HACE1: variants seen among roughly 807,000 people sequenced by gnomAD.
The protein encoded by HACE1 is HECT domain and ankyrin repeat containing E3 ubiquitin protein ligase 1.
In HACE1, 73 loss-of-function variants were observed where a neutral mutation model predicts 118.4. That is an observed-to-expected ratio of 0.62 (90% CI 0.51 to 0.75). HACE1 has a LOEUF of 0.75. HACE1 is among the 30% of genes least tolerant of loss of function. The pLI is 0.00. For synonymous variants in HACE1, 368 were observed against 374.8 expected (o/e 0.98, Z 0.21); for missense variants, 749 against 1,102.2 (o/e 0.68, Z 4.54).
intron 19 of HACE1, among the ~76,000 whole-genome samples, chr6:104,755,457 C>T (rs1170114167): frequency 1.3e-5 from 2 of 152,100 alleles, no homozygotes; most frequent in African/African-American, 4.8e-5. Context: ...AACTTCCCAC[C>T]GAAATTCAAC....
At chr6:104,758,809 C>T (rs1170843197) in intron 19 of HACE1, among the ~76,000 whole-genome samples, 1 of 151,400 alleles carries the variant, frequency 6.6e-6, no homozygotes, top group Non-Finnish European at 1.5e-5. Flanking sequence ...ACCCATCTCA[C>T]GTGCAAAGAC....
chr6:104,858,981 A>AAT (rs1777024547), intron 1 of HACE1, among the ~76,000 whole-genome samples: 1 of 152,210 alleles, frequency 6.6e-6, no homozygotes, highest in African/African-American at 2.4e-5. Flanking sequence ...TAGTCTGATG[A>AAT]ATAAATGAAG....
chr6:104,764,288 G>A (rs1037039014), intron 19 of HACE1, among the ~76,000 whole-genome samples: 9 of 152,146 alleles, frequency 5.9e-5, no homozygotes, highest in African/African-American at 1.9e-4. Flanking sequence ...ATATTGGCCA[G>A]ACTGGTCTGA....
intron 10 of HACE1, 79 bp from the exon 11 acceptor site, chr6:104,791,733 C>T: frequency 3.3e-6 from 3 of 901,068 alleles, no homozygotes; most frequent in Non-Finnish European, 5.3e-6. Flanking sequence ...CATTTTCATC[C>T]CACTGACCAT....
intron 7 of HACE1, among the ~76,000 whole-genome samples, chr6:104,810,704 T>C (rs1285096656): frequency 6.6e-6 from 1 of 152,068 alleles, no homozygotes; most frequent in Non-Finnish European, 1.5e-5. Flanking sequence ...CAGTGAGCGT[T>C]AACTAAACAT....
At chr6:104,748,226 G>A (rs1187438658) in intron 20 of HACE1, among the ~76,000 whole-genome samples, 1 of 147,754 alleles carries the variant, frequency 6.8e-6, no homozygotes, top group Non-Finnish European at 1.5e-5. Flanking sequence ...AATTCATAAA[G>A]AGTCCTACAA....
chr6:104,764,042 A>G (rs536895642), intron 19 of HACE1, among the ~76,000 whole-genome samples: 1 of 152,202 alleles, frequency 6.6e-6, no homozygotes, highest in Non-Finnish European at 1.5e-5. Flanking sequence ...GCAAGATTTT[A>G]TCTCAAACAA....
intron 14 of HACE1, among the ~76,000 whole-genome samples, chr6:104,779,967 C>T (rs1781558651): frequency 6.6e-6 from 1 of 151,976 alleles, no homozygotes; most frequent in African/African-American, 2.4e-5. Context: ...ATCCTCACAA[C>T]ACTATGAGAA....
In HACE1 at chr6:104,772,088, T is replaced by C. The variant is rs759644081; in HGVS notation, c.1865-14A>G. 2.2e-6 allele frequency: 3 copies of C among 1,352,214 alleles called. No individual in the cohort carries two copies. Among genetic ancestry groups the C allele is most frequent in the Admixed American group, 3.4e-5 (2 of 59,368 alleles). 83.8% of individuals were successfully genotyped at this position (1,352,214 alleles called of 1,614,324 possible). On this transcript the variant is annotated splice_polypyrimidine_tract_variant and intron_variant, in intron 17 of 23. Transcript: ENST00000262903. Reference sequence around the variant, plus strand: ...GAAAAGTTGTTCCTATTGAAATAAATACAAAATAATATATTATTAAGAATC... The same window carrying C: ...GAAAAGTTGTTCCTATTGAAATAAACACAAAATAATATATTATTAAGAATC...
At chr6:104,743,063 C>T (rs542461271) in intron 22 of HACE1, among the ~76,000 whole-genome samples, 2 of 149,786 alleles carry the variant, frequency 1.3e-5, no homozygotes, top group African/African-American at 4.9e-5. Context: ...ATCGCAAGAA[C>T]AAAAAACCAA....
intron 6 of HACE1, among the ~76,000 whole-genome samples, chr6:104,827,405 A>C (rs1773447055): frequency 1.3e-5 from 2 of 152,136 alleles, no homozygotes; most frequent in Non-Finnish European, 2.9e-5. Context: ...CCAACTCACT[A>C]ATCAGTGACT....
intron 6 of HACE1, among the ~76,000 whole-genome samples, chr6:104,816,382 T>TGCTCCA (rs1446606179): frequency 6.6e-6 from 1 of 152,334 alleles, no homozygotes; most frequent in East Asian, 1.9e-4. Context: ...GTGTCCCAGA[T>TGCTCCA]GCTCCAGCTC....
intron 22 of HACE1, among the ~76,000 whole-genome samples, chr6:104,743,315 TAA>T (rs71741922): frequency 6.6e-6 from 1 of 150,900 alleles, no homozygotes; most frequent in Non-Finnish European, 1.5e-5. Flanking sequence ...AGTATAATAA[TAA>T]AAAAAAATTA....
intron 1 of HACE1, among the ~76,000 whole-genome samples, chr6:104,857,189 A>C (rs1049255133): frequency 6.9e-6 from 1 of 144,904 alleles, no homozygotes; most frequent in Non-Finnish European, 1.5e-5. Context: ...ATATATATTT[A>C]CATATATATT....
At chr6:104,734,874 C>T (rs1775641888) in intron 22 of HACE1, among the ~76,000 whole-genome samples, 1 of 152,102 alleles carries the variant, frequency 6.6e-6, no homozygotes, top group Admixed American at 6.5e-5. Context: ...CTTAAAGACT[C>T]ATACTGACCA....
chr6:104,808,732 C>T (rs1771295589), intron 7 of HACE1, among the ~76,000 whole-genome samples: 1 of 152,014 alleles, frequency 6.6e-6, no homozygotes, highest in Non-Finnish European at 1.5e-5. Context: ...TATTCCTTTC[C>T]CTTTCATTTA....
chr6:104,766,102 A>C (rs1779978608), intron 19 of HACE1, among the ~76,000 whole-genome samples: 1 of 152,292 alleles, frequency 6.6e-6, no homozygotes, highest in African/African-American at 2.4e-5. Context: ...TAAGCAAAAG[A>C]AAAGAAAAGA....
chr6:104,798,189 T>G (rs1276841696), intron 7 of HACE1, among the ~76,000 whole-genome samples: 1 of 152,134 alleles, frequency 6.6e-6, no homozygotes. Flanking sequence ...GCAAGTAATC[T>G]AAGCACAGGT....
At chr6:104,757,932 G>A (rs1371081174) in intron 19 of HACE1, among the ~76,000 whole-genome samples, 1 of 152,050 alleles carries the variant, frequency 6.6e-6, no homozygotes, top group African/African-American at 2.4e-5. Flanking sequence ...CGATCAAGTG[G>A]AAGAAAGGAT....
Sources: gnomAD v4.1 joint callset for allele counts (sites outside exome capture counted in the v4.1 genomes callset) on GRCh38, gnomAD v4.1.1 for gene constraint, MANE v1.5 for transcripts, NCBI Gene and HGNC (gene_info 2026-07-23, HGNC 2026-07-21) for gene names.